SLC12A7: variants seen among roughly 807,000 people sequenced by gnomAD.
The protein encoded by SLC12A7 is solute carrier family 12 member 7.
In SLC12A7, 100 loss-of-function variants were observed where a neutral mutation model predicts 120.6. The ratio of observed to expected loss-of-function variants is 0.83; its 90% CI spans 0.71 to 0.98. The LOEUF is 0.98. Ranked by LOEUF, SLC12A7 falls within the 50% of genes least tolerant of loss-of-function variation. The probability of loss-of-function intolerance (pLI) is 0.00; values close to 1 mark genes in which losing one functional copy is unlikely to be tolerated. For synonymous variants in SLC12A7, 760 were observed against 678.0 expected (o/e 1.12, Z -1.88); for missense variants, 1,373 against 1,548.1 (o/e 0.89, Z 1.90).
the SLC12A7 span, among the ~76,000 whole-genome samples, chr5:1,137,017 G>A: frequency 1.3e-5 from 2 of 150,962 alleles, no homozygotes; most frequent in South Asian, 2.1e-4. Context: ...ACCAACAGCA[G>A]GACACACACA....
the SLC12A7 span, among the ~76,000 whole-genome samples, chr5:1,140,476 AGTGGGTGCCCCCTGCTGGTGAG>A: frequency 1.1e-4 from 16 of 141,504 alleles, no homozygotes; most frequent in Admixed American, 5.6e-4. Context: ...CCTGCTGGTG[AGTGGGTGCCCCCTGCTGGTGAG>A]GGGGGGTGCT....
At position 1,089,060 on chromosome 5, in the gene SLC12A7, G is replaced by T; in HGVS notation, c.411C>A (p.Leu137=). The T allele has an allele frequency of 6.2e-7, 1 of 1,613,054 alleles. No individual in the cohort carries two copies. The highest frequency in any genetic ancestry group is 2.2e-5 in the East Asian group (1 of 44,888). ...PCLQNILGVI[L]FLRLTWIVGV... is the part of the protein sequence containing the mutation. ...CCACGATCCACGTCAGGCGCAGGAA[G>T]AGGATGACGCCCAGGATGTTCTGCA... is the stretch of plus-strand genomic sequence containing the variant. Residue 137 remains leucine (L), a synonymous_variant, in exon 4 of 24, where the codon CTC becomes CTA. Transcript: ENST00000264930.
At chr5:1,148,120 A>G in the SLC12A7 span, among the ~76,000 whole-genome samples, 1 of 151,790 alleles carries the variant, frequency 6.6e-6, no homozygotes, top group South Asian at 2.1e-4. Context: ...TTTCTGGGCC[A>G]TGGTCACTCA....
At chr5:1,098,778 T>A (rs201064083) in intron 1 of SLC12A7, among the ~76,000 whole-genome samples, 816 of 26,026 alleles carry the variant, frequency 0.031, 85 homozygotes, top group African/African-American at 0.11. Flanking sequence ...AACCCTCTGC[T>A]CACCCAGCCA....
intron 12 of SLC12A7, among the ~76,000 whole-genome samples, chr5:1,077,617 G>A (rs767292395): frequency 4.6e-5 from 7 of 152,164 alleles, no homozygotes; most frequent in Admixed American, 1.3e-4. Flanking sequence ...GGCCGAGCTC[G>A]GAGGGACCTG....
At chr5:1,147,253 C>G in the SLC12A7 span, among the ~76,000 whole-genome samples, 2 of 63,504 alleles carry the variant, frequency 3.1e-5, no homozygotes, top group Non-Finnish European at 7.3e-5. Context: ...CCCCGCCACC[C>G]CCCCCGCCCC....
the SLC12A7 span, among the ~76,000 whole-genome samples, chr5:1,120,784 C>T: frequency 6.6e-6 from 1 of 152,162 alleles, no homozygotes; most frequent in African/African-American, 2.4e-5. Flanking sequence ...AGGAGGAGGT[C>T]GGCATGATGC....
chr5:1,099,913 C>T (rs536325311), intron 1 of SLC12A7, among the ~76,000 whole-genome samples: 151 of 152,326 alleles, frequency 9.9e-4, no homozygotes, highest in African/African-American at 3.6e-3. Flanking sequence ...TCCGGGGTCC[C>T]CCAGGCCTGG....
At chr5:1,077,682 T>C in intron 12 of SLC12A7, 151 bp downstream of exon 12, 1 of 794,898 alleles carries the variant, frequency 1.3e-6, no homozygotes, top group Non-Finnish European at 1.9e-6. Flanking sequence ...ACCACTCCCA[T>C]GCTCTGTGCA....
intron 5 of SLC12A7, among the ~76,000 whole-genome samples, chr5:1,087,821 C>T (rs1185266525): frequency 2.0e-5 from 3 of 152,268 alleles, no homozygotes; most frequent in Non-Finnish European, 4.4e-5. Context: ...AGTATCATCT[C>T]AGTTTACTAG....
chr5:1,130,681 C>T, the SLC12A7 span, among the ~76,000 whole-genome samples: 1 of 152,324 alleles, frequency 6.6e-6, no homozygotes, highest in African/African-American at 2.4e-5. Context: ...TGCACCTGTG[C>T]CTGCCCAGAG....
At chr5:1,059,634 C>G (rs967627528) in intron 21 of SLC12A7, among the ~76,000 whole-genome samples, 5 of 152,158 alleles carry the variant, frequency 3.3e-5, no homozygotes, top group Admixed American at 3.3e-4. Context: ...GCCATGGGGC[C>G]CAGGCCAGTA....
the SLC12A7 span, among the ~76,000 whole-genome samples, chr5:1,141,749 C>T: frequency 1.3e-5 from 2 of 152,190 alleles, no homozygotes; most frequent in Admixed American, 6.5e-5. Context: ...CATAGGACAG[C>T]GTGGACAAGG....
At position 1,053,496 on chromosome 5, in the gene SLC12A7, G is replaced by A. The variant is rs1179046654; in HGVS notation, c.3027-14C>T. 6 of 1,612,062 alleles carry A rather than the reference G, an allele frequency of 3.7e-6. No homozygotes were observed. The Middle Eastern group carries it at 5.0e-4, about 133-fold the overall frequency. On this transcript the variant is annotated splice_polypyrimidine_tract_variant and intron_variant, in intron 22 of 23. Transcript: ENST00000264930. ...TTGGACTGGTCCCTGCAGGGGAGGT[G>A]GGCACGGTCAGCGGGCGGCGGGTGC...
At chr5:1,148,377 T>C in the SLC12A7 span, among the ~76,000 whole-genome samples, 1 of 151,960 alleles carries the variant, frequency 6.6e-6, no homozygotes, top group Admixed American at 6.6e-5. Context: ...CGGCTAATTT[T>C]TTGTATTTTA....
At chr5:1,092,354 A>G (rs934806843) in intron 3 of SLC12A7, among the ~76,000 whole-genome samples, 3 of 152,140 alleles carry the variant, frequency 2.0e-5, no homozygotes. Context: ...GAGGGCAAGG[A>G]GCCGGCCGAC....
At chr5:1,095,404 G>A (rs1399154710) in intron 1 of SLC12A7, among the ~76,000 whole-genome samples, 2 of 152,274 alleles carry the variant, frequency 1.3e-5, no homozygotes, top group Non-Finnish European at 2.9e-5. Context: ...AGCCAGGCAC[G>A]GTGAGGAGCT....
chr5:1,097,353 C>T (rs1266710784), intron 1 of SLC12A7, among the ~76,000 whole-genome samples: 1 of 152,190 alleles, frequency 6.6e-6, no homozygotes, highest in Non-Finnish European at 1.5e-5. Flanking sequence ...CTGCGCAGCC[C>T]ACTTGGGAAG....
chr5:1,115,117 C>T (rs1395899705), upstream of SLC12A7, among the ~76,000 whole-genome samples: 7 of 152,224 alleles, frequency 4.6e-5, no homozygotes, highest in Admixed American at 2.6e-4. Flanking sequence ...TCCAGCTTTG[C>T]CCAGGGGGCC....
Sources: gnomAD v4.1 joint callset for allele counts (sites outside exome capture counted in the v4.1 genomes callset) on GRCh38, gnomAD v4.1.1 for gene constraint, MANE v1.5 for transcripts, NCBI Gene and HGNC (gene_info 2026-07-23, HGNC 2026-07-21) for gene names.